Variants in MFAP1 observed in about 807,000 individuals in gnomAD.
The protein encoded by MFAP1 is microfibrillar-associated protein 1.
MFAP1 carries 18 observed loss-of-function variants against 62.2 expected under a neutral mutation model. The ratio of observed to expected loss-of-function variants is 0.29; its 90% confidence interval spans 0.20 to 0.43. The LOEUF is 0.43. MFAP1 is among the 20% of genes least tolerant of loss of function. MFAP1 has a pLI of 1.00. For missense variants in MFAP1, 355 were observed against 559.7 expected (o/e 0.63, Z 3.69); for synonymous variants, 175 against 180.4 (o/e 0.97, Z 0.24).
At chr15:43,810,118 C>T in intron 6 of MFAP1, 1 of 528,442 alleles carries the variant, frequency 1.9e-6, no homozygotes, top group Non-Finnish European at 3.2e-6. Context: ...GTATTGCCAA[C>T]TTTCAAAAGT....
At chr15:43,812,675 A>G (rs771356849) in intron 6 of MFAP1, among the ~76,000 whole-genome samples, 1 of 152,150 alleles carries the variant, frequency 6.6e-6, no homozygotes, top group African/African-American at 2.4e-5. Flanking sequence ...GTTTCAAGTC[A>G]CTCAATTGTG....
At chr15:43,823,003 TA>T (rs1725531384) in intron 1 of MFAP1, among the ~76,000 whole-genome samples, 2 of 150,364 alleles carry the variant, frequency 1.3e-5, no homozygotes. Flanking sequence ...CACACCTGGC[TA>T]ATTTTTGTAT....
chr15:43,818,194 T>C (rs2141711336), intron 1 of MFAP1, among the ~76,000 whole-genome samples: 1 of 152,136 alleles, frequency 6.6e-6, no homozygotes, highest in South Asian at 2.1e-4. Flanking sequence ...TAATTTTTTG[T>C]ATTTTTAGTA....
Position 43,824,485 on chromosome 15 carries a change from C to T in MFAP1, c.79+6G>A. 1 of 1,614,090 alleles carries T rather than the reference C, an allele frequency of 6.2e-7. No individual in the cohort carries two copies. Among genetic ancestry groups the T allele is most frequent in the Non-Finnish European group, 8.5e-7 (1 of 1,179,996 alleles). ...TTCGACTGGGAAGAGGGTGTTAGCA[C>T]CGTACCTTTCTCATTGCGAACTGGG... is the stretch of plus-strand genomic sequence containing the variant. On this transcript the variant is annotated splice_donor_region_variant and intron_variant, in intron 1 of 8. Transcript: ENST00000267812.
chr15:43,805,595 T>G (rs2087357588), intron 7 of MFAP1, 130 bp from the exon 8 acceptor site: 1 of 683,166 alleles, frequency 1.5e-6, no homozygotes, highest in Non-Finnish European at 2.4e-6. Context: ...AGAGCTTACA[T>G]CTAGTTGAAG....
intron 2 of MFAP1, among the ~76,000 whole-genome samples, chr15:43,816,233 T>G (rs2087432891): frequency 7.1e-6 from 1 of 141,352 alleles, no homozygotes; most frequent in Non-Finnish European, 1.5e-5. Flanking sequence ...ATTTTATTTT[T>G]TTTTCTTTTT....
intron 2 of MFAP1, among the ~76,000 whole-genome samples, chr15:43,816,165 T>C (rs190671839): frequency 1.0e-3 from 152 of 152,232 alleles, no homozygotes; most frequent in African/African-American, 3.5e-3. Context: ...CAAATTCCAC[T>C]AGTAACTATG....
At chr15:43,810,059 C>T (rs756224662) in intron 6 of MFAP1, 145 bp from the exon 7 acceptor site, 14 of 958,880 alleles carry the variant, frequency 1.5e-5, no homozygotes, top group Non-Finnish European at 2.0e-5. Flanking sequence ...AGATAAGGAG[C>T]TCAATAAACA....
At chr15:43,808,087 C>T (rs548139974) in intron 7 of MFAP1, among the ~76,000 whole-genome samples, 2 of 152,344 alleles carry the variant, frequency 1.3e-5, no homozygotes, top group Non-Finnish European at 2.9e-5. Flanking sequence ...CAGCAGTGAG[C>T]CATGACTGCA....
At chr15:43,812,915 G>C (rs1003553457) in intron 6 of MFAP1, 72 bp downstream of exon 6, 1 of 1,527,640 alleles carries the variant, frequency 6.5e-7, no homozygotes, top group Non-Finnish European at 8.9e-7. Context: ...AGTAGGTAAT[G>C]AGTCTCAGAG....
intron 1 of MFAP1, among the ~76,000 whole-genome samples, chr15:43,823,995 T>C (rs1163577349): frequency 3.3e-5 from 5 of 151,706 alleles, no homozygotes; most frequent in African/African-American, 9.7e-5. Flanking sequence ...TATCTATCTA[T>C]CTAGTCTGAT....
intron 1 of MFAP1, 51 bp downstream of exon 1, chr15:43,824,440 G>A (rs1461907388): frequency 6.3e-7 from 1 of 1,594,278 alleles, no homozygotes; most frequent in East Asian, 2.2e-5. Context: ...GGAGGTTGCT[G>A]GGGCCGGAAG....
chr15:43,815,044 A>G lies in MFAP1; in HGVS notation c.330T>C (p.Pro110=). ...RLARHRKIVE[P]EVVGESDSEV... ...CTGAGTCACTCTCTCCTACCACTTC[A>G]GGTTCCACTATTTTTCGATGTCGAG... Residue 110 remains proline, a synonymous_variant, in exon 3 of 9, where the codon CCT becomes CCC. Transcript: ENST00000267812. The G allele has an allele frequency of 1.2e-6, 2 of 1,614,150 alleles. No individual in the cohort carries two copies. The highest frequency in any genetic ancestry group is 1.7e-6 in the Non-Finnish European group (2 of 1,180,024).
intron 1 of MFAP1, among the ~76,000 whole-genome samples, chr15:43,822,931 T>C (rs912188323): frequency 2.0e-5 from 3 of 150,532 alleles, no homozygotes; most frequent in Non-Finnish European, 3.0e-5. Context: ...CTCTGCCCCC[T>C]GAGTTCAAGT....
intron 3 of MFAP1, 82 bp from the exon 4 acceptor site, chr15:43,814,770 G>A: frequency 6.6e-7 from 1 of 1,521,392 alleles, no homozygotes; most frequent in Non-Finnish European, 8.9e-7. Context: ...AAATTCAAAT[G>A]TAAAAAGATA....
intron 6 of MFAP1, among the ~76,000 whole-genome samples, chr15:43,810,778 A>G (rs954444541): frequency 3.3e-5 from 5 of 151,234 alleles, no homozygotes; most frequent in Non-Finnish European, 7.4e-5. Flanking sequence ...TTTTTTTGAG[A>G]TGGAATCTTG....
intron 3 of MFAP1, 60 bp downstream of exon 3, chr15:43,814,885 G>C (rs1198514701): frequency 6.3e-7 from 1 of 1,599,252 alleles, no homozygotes; most frequent in Non-Finnish European, 8.5e-7. Flanking sequence ...CAACAAATGA[G>C]CACTGGCATG....
At chr15:43,822,960 T>C (rs2087475637) in intron 1 of MFAP1, among the ~76,000 whole-genome samples, 1 of 151,968 alleles carries the variant, frequency 6.6e-6, no homozygotes, top group Non-Finnish European at 1.5e-5. Context: ...TGCCTCAGCC[T>C]ACCGAGTAGC....
Position 43,804,749 on chromosome 15 carries a change from A to T in MFAP1, c.*345T>A, listed in dbSNP as rs146229942. 3.2e-4 allele frequency: 63 copies of T among 197,996 alleles called. No individual in the cohort carries two copies. The East Asian group carries it at 7.4e-3, about 23-fold the overall frequency. 12.3% of individuals were successfully genotyped at this position (197,996 alleles called of 1,614,324 possible). A position where few individuals can be genotyped will look rare whatever the true frequency, so the allele number is the denominator to read the frequency against. On this transcript the variant is annotated 3_prime_UTR_variant, in exon 9 of 9. Transcript: ENST00000267812. ...GGTAGAAGTAATGCATTGTTCACTTACATGTCCACTTTTCTAACCCAAGCT... is the reference window on the plus strand; with the variant it reads ...GGTAGAAGTAATGCATTGTTCACTTTCATGTCCACTTTTCTAACCCAAGCT...
Sources: gnomAD v4.1 joint callset for allele counts (sites outside exome capture counted in the v4.1 genomes callset) on GRCh38, gnomAD v4.1.1 for gene constraint, MANE v1.5 for transcripts, NCBI Gene and HGNC (gene_info 2026-07-23, HGNC 2026-07-21) for gene names.